The following EHHADH variants were observed in gnomAD, a reference collection of about 807,000 sequenced individuals.
EHHADH encodes peroxisomal bifunctional enzyme.
A neutral mutation model predicts 64.4 loss-of-function variants in EHHADH; 48 were observed. The ratio of observed to expected loss-of-function variants is 0.75; its 90% CI spans 0.59 to 0.95. The LOEUF is 0.95. Among genes scored for constraint, EHHADH ranks in the 40% least tolerant of loss-of-function variants. EHHADH has a pLI of 0.00. For missense variants in EHHADH, 854 were observed against 876.6 expected, an observed-to-expected ratio of 0.97 and a Z score of 0.33; for synonymous variants, 308 against 326.7, an observed-to-expected ratio of 0.94 and a Z score of 0.62.
At chr3:185,229,356 C>A in intron 4 of EHHADH, 76 bp downstream of exon 4, 2 of 957,840 alleles carry the variant, frequency 2.1e-6, no homozygotes, top group South Asian at 4.9e-5. Flanking sequence ...AGTAGGTGGT[C>A]AAGCCAGAAT....
intron 3 of EHHADH, among the ~76,000 whole-genome samples, chr3:185,230,377 T>C (rs935628366): frequency 6.6e-6 from 1 of 152,218 alleles, no homozygotes; most frequent in African/African-American, 2.4e-5. Flanking sequence ...CAGATTTTCA[T>C]GGCACCATGG....
At chr3:185,221,761 A>G (rs1718841469) in intron 4 of EHHADH, among the ~76,000 whole-genome samples, 1 of 151,666 alleles carries the variant, frequency 6.6e-6, no homozygotes, top group Non-Finnish European at 1.5e-5. Flanking sequence ...TTTAGTGGAG[A>G]TGAGGTTTCA....
chr3:185,212,793 A>C (rs1718577875), intron 5 of EHHADH, among the ~76,000 whole-genome samples: 1 of 152,192 alleles, frequency 6.6e-6, no homozygotes, highest in Non-Finnish European at 1.5e-5. Context: ...CATTTTAACC[A>C]TGCCTTTCAT....
At chr3:185,193,552 AC>A in intron 6 of EHHADH, 65 bp from the exon 7 acceptor site, 3 of 1,546,382 alleles carry the variant, frequency 1.9e-6, no homozygotes, top group Non-Finnish European at 2.6e-6. Flanking sequence ...TAAATTATTC[AC>A]TGGATGGAAG....
intron 6 of EHHADH, among the ~76,000 whole-genome samples, chr3:185,198,281 T>C (rs2108625925): frequency 6.6e-6 from 1 of 152,172 alleles, no homozygotes; most frequent in East Asian, 2.0e-4. Flanking sequence ...TGCAGTGGTG[T>C]GATCTCAGCT....
At chr3:185,234,191 A>C (rs1719219275) in intron 3 of EHHADH, among the ~76,000 whole-genome samples, 1 of 152,172 alleles carries the variant, frequency 6.6e-6, no homozygotes, top group Non-Finnish European at 1.5e-5. Context: ...ACTGTGATAC[A>C]CAGTGGTATC....
At chr3:185,198,051 C>G (rs978689171) in intron 6 of EHHADH, among the ~76,000 whole-genome samples, 12 of 152,054 alleles carry the variant, frequency 7.9e-5, no homozygotes, top group African/African-American at 2.9e-4. Flanking sequence ...CCTGCCTTGG[C>G]CTCCCAAAGT....
rs201295952 is a variant in EHHADH at position 185,193,019 on chromosome 3, A to G, written c.1379T>C (p.Met460Thr). 98 of 1,614,140 alleles carry G rather than the reference A, an allele frequency of 6.1e-5. No homozygotes were observed. The highest frequency in any genetic ancestry group is 8.1e-5 in the Non-Finnish European group (95 of 1,180,060). Reference protein sequence around the residue: ...YSSPTTIATVMNLSKKIKKIG... With the variant: ...YSSPTTIATVTNLSKKIKKIG... ...CTTTTTAATCTTTTTTGATAAGTTCATAACAGTGGCAATGGTAGTGGGGGA... is the reference window on the plus strand; with the variant it reads ...CTTTTTAATCTTTTTTGATAAGTTCGTAACAGTGGCAATGGTAGTGGGGGA... The change falls in exon 7 of 7, where the codon ATG (methionine) becomes ACG (threonine). Residue 460 changes from methionine to threonine, a missense_variant. Transcript: ENST00000231887.
At position 185,252,917 on chromosome 3, in the gene EHHADH, A is replaced by G. The variant is rs114147868; in HGVS notation, c.74+1032T>C. 3.7e-3 allele frequency among the ~76,000 whole-genome samples: 568 copies of G among 152,210 alleles called. 2 individuals carry two copies. Among genetic ancestry groups the G allele is most frequent in the African/African-American group, 0.013 (555 of 41,534 alleles). On this transcript the variant is annotated intron_variant, in intron 1 of 6. Transcript: ENST00000231887. ...CCTGTGGATAGGTAATTCTTTTTCA[A>G]GGCTGACATATAATTATTTTTTTAA... is the stretch of plus-strand genomic sequence containing the variant.
rs767441252 is a variant in EHHADH at position 185,193,200 on chromosome 3, AC to A, written c.1197del (p.Cys400AlafsTer41). The A allele has an allele frequency of 5.6e-6, 9 of 1,612,352 alleles. No homozygotes were observed. In the South Asian group the frequency reaches 8.8e-5, roughly 16 times the overall value. On this transcript the variant is annotated frameshift_variant, in exon 7 of 7. Coordinates refer to ENST00000231887, the MANE Select transcript of EHHADH (RefSeq NM_001966.4). LOFTEE classifies it high-confidence loss of function. Reference protein sequence around the residue: ...KKQVFAELSAVCKPEAFLCTN... With the variant: ...KKQVFAELSAXCKPEAFLCTN... ...GTGCACAAAAATGCTTCTGGTTTGC[AC>A]ACAGCTGAGAGTTCAGCAAAGACCT... is the stretch of plus-strand genomic sequence containing the variant.
At chr3:185,248,991 G>A (rs1719671578) in intron 1 of EHHADH, among the ~76,000 whole-genome samples, 1 of 152,182 alleles carries the variant, frequency 6.6e-6, no homozygotes, top group African/African-American at 2.4e-5. Context: ...TTTTCATATT[G>A]TTAAAATATA....
intron 4 of EHHADH, among the ~76,000 whole-genome samples, chr3:185,228,459 A>T (rs1431523145): frequency 2.0e-5 from 3 of 151,396 alleles, no homozygotes; most frequent in Admixed American, 2.0e-4. Context: ...CAGGTGGATC[A>T]CCTGAGGTAG....
intron 1 of EHHADH, among the ~76,000 whole-genome samples, chr3:185,250,993 A>G (rs1229906372): frequency 6.6e-6 from 1 of 152,220 alleles, no homozygotes; most frequent in Non-Finnish European, 1.5e-5. Flanking sequence ...GCAAATATCA[A>G]AAACAGGAAA....
At chr3:185,205,594 C>T (rs1718366311) in intron 5 of EHHADH, among the ~76,000 whole-genome samples, 1 of 151,960 alleles carries the variant, frequency 6.6e-6, no homozygotes, top group African/African-American at 2.4e-5. Flanking sequence ...CTTTTTTTCA[C>T]ATTCAGAATT....
intron 5 of EHHADH, among the ~76,000 whole-genome samples, chr3:185,205,255 G>A (rs1172843845): frequency 6.6e-6 from 1 of 152,054 alleles, no homozygotes; most frequent in African/African-American, 2.4e-5. Flanking sequence ...TGAGGCTTGG[G>A]ATATGAATAA....
At chr3:185,252,743 A>G (rs1294601344) in intron 1 of EHHADH, among the ~76,000 whole-genome samples, 4 of 152,210 alleles carry the variant, frequency 2.6e-5, no homozygotes, top group Non-Finnish European at 5.9e-5. Context: ...ATCCAATGAC[A>G]GTAGGATTTT....
At chr3:185,225,025 A>G (rs1718936917) in intron 4 of EHHADH, among the ~76,000 whole-genome samples, 1 of 152,240 alleles carries the variant, frequency 6.6e-6, no homozygotes, top group East Asian at 1.9e-4. Flanking sequence ...CGTTTATGAA[A>G]TGTGGTCTGT....
intron 2 of EHHADH, among the ~76,000 whole-genome samples, chr3:185,242,669 A>G (rs1239632039): frequency 6.6e-6 from 1 of 152,204 alleles, no homozygotes; most frequent in Non-Finnish European, 1.5e-5. Flanking sequence ...GAAAGCTGGC[A>G]GACTCAGGCC....
At chr3:185,229,941 C>A (rs1719108193) in intron 3 of EHHADH, among the ~76,000 whole-genome samples, 1 of 152,142 alleles carries the variant, frequency 6.6e-6, no homozygotes, top group Admixed American at 6.5e-5. Flanking sequence ...TATAGGATTT[C>A]TATCTAGAAT....
Sources: allele counts gnomAD v4.1 joint callset (sites outside exome capture counted in the v4.1 genomes callset), GRCh38; gene constraint gnomAD v4.1.1; transcripts MANE v1.5; gene names NCBI Gene and HGNC (gene_info 2026-07-23, HGNC 2026-07-21).